TIMP3: variants seen among roughly 807,000 people sequenced by gnomAD.
TIMP3 encodes TIMP metallopeptidase inhibitor 3.
A neutral mutation model predicts 30.0 loss-of-function variants in TIMP3; 11 were observed. The ratio of observed to expected loss-of-function variants is 0.37; its 90% CI spans 0.23 to 0.61. The LOEUF is 0.61. Ranked by LOEUF, TIMP3 falls within the 20% of genes least tolerant of loss-of-function variation. TIMP3 has a pLI of 0.70. For synonymous variants in TIMP3, 112 were observed against 111.3 expected, an observed-to-expected ratio of 1.01 and a Z score of -0.04; for missense variants, 181 against 276.8, an observed-to-expected ratio of 0.65 and a Z score of 2.45.
chr22:32,823,525 C>T (rs545644127), intron 1 of TIMP3, among the ~76,000 whole-genome samples: 7 of 152,284 alleles, frequency 4.6e-5, no homozygotes, highest in South Asian at 4.1e-4. Flanking sequence ...AGCACAGAGC[C>T]GACCAGGCCT....
At chr22:32,805,149 G>A (rs934696545) in intron 1 of TIMP3, among the ~76,000 whole-genome samples, 5 of 152,094 alleles carry the variant, frequency 3.3e-5, no homozygotes, top group African/African-American at 4.8e-5. Flanking sequence ...CTCTCTTGCC[G>A]CCTTTGCATG....
At chr22:32,848,750 T>C (rs1204630319) in intron 1 of TIMP3, among the ~76,000 whole-genome samples, 1 of 152,228 alleles carries the variant, frequency 6.6e-6, no homozygotes, top group Non-Finnish European at 1.5e-5. Context: ...GAAACAAAGT[T>C]ACTTACTTGC....
intron 1 of TIMP3, among the ~76,000 whole-genome samples, chr22:32,835,190 G>A (rs978324792): frequency 3.3e-5 from 5 of 152,200 alleles, no homozygotes; most frequent in Non-Finnish European, 7.3e-5. Flanking sequence ...GAAAGGTAGG[G>A]TGATACACTC....
At chr22:32,814,470 T>C (rs1305536026) in intron 1 of TIMP3, among the ~76,000 whole-genome samples, 1 of 152,078 alleles carries the variant, frequency 6.6e-6, no homozygotes, top group Non-Finnish European at 1.5e-5. Context: ...CCTTGGAAAA[T>C]AAAACAGAAA....
At position 32,822,108 on chromosome 22, in the gene TIMP3, T is replaced by C. The variant is rs186062703; in HGVS notation, c.121+19986T>C. On this transcript the variant is annotated intron_variant, in intron 1 of 4. Transcript: ENST00000266085. The stretch of plus-strand genomic sequence containing the variant: ...AGGCAGAGGTTGCAATGAGCCGAGA[T>C]CGCACCATTGCACTCCAGCCTGGGC... Among the ~76,000 whole-genome samples the C allele has an allele frequency of 5.9e-3, 854 of 143,980 alleles. 10 individuals are homozygous for C. The highest frequency in any genetic ancestry group is 0.019 in the African/African-American group (738 of 38,176). The allele number at this position is 143,980 out of a possible 152,430, so 94.5% of individuals were successfully genotyped here.
chr22:32,856,346 C>G (rs1280882469), intron 2 of TIMP3, among the ~76,000 whole-genome samples: 2 of 152,022 alleles, frequency 1.3e-5, no homozygotes, highest in Non-Finnish European at 2.9e-5. Flanking sequence ...AGGAAGGTTT[C>G]TCTGGGAAGG....
intron 2 of TIMP3, among the ~76,000 whole-genome samples, chr22:32,851,481 C>T (rs556950255): frequency 1.3e-5 from 2 of 152,286 alleles, no homozygotes; most frequent in Non-Finnish European, 2.9e-5. Context: ...GCATCAGACA[C>T]TCCCACTCCC....
intron 1 of TIMP3, among the ~76,000 whole-genome samples, chr22:32,822,636 T>C (rs1014742848): frequency 3.3e-5 from 5 of 152,226 alleles, no homozygotes; most frequent in African/African-American, 9.6e-5. Context: ...GCAAATAGAC[T>C]GCTTAGATTA....
intron 1 of TIMP3, among the ~76,000 whole-genome samples, chr22:32,841,388 C>T (rs1419499879): frequency 6.6e-6 from 1 of 152,064 alleles, no homozygotes; most frequent in African/African-American, 2.4e-5. Context: ...AGGGAAGGTC[C>T]CCCGCCCAAG....
At chr22:32,802,511 T>TAA (rs879693641) in intron 1 of TIMP3, among the ~76,000 whole-genome samples, 14 of 137,794 alleles carry the variant, frequency 1.0e-4, no homozygotes, top group African/African-American at 2.4e-4. Context: ...ATTGAATAGT[T>TAA]AAAAAAAAAA....
At chr22:32,829,476 T>C (rs568686136) in intron 1 of TIMP3, among the ~76,000 whole-genome samples, 23 of 152,286 alleles carry the variant, frequency 1.5e-4, no homozygotes, top group African/African-American at 4.1e-4. Flanking sequence ...GTAGGCTCAC[T>C]TCTTGGCCTG....
intron 1 of TIMP3, among the ~76,000 whole-genome samples, chr22:32,848,837 T>A (rs578001627): frequency 7.8e-4 from 119 of 152,072 alleles, no homozygotes; most frequent in Non-Finnish European, 1.5e-3. Context: ...CGACTCCCAA[T>A]TGCTCCTTCT....
chr22:32,852,500 C>T (rs1295685765), intron 2 of TIMP3, among the ~76,000 whole-genome samples: 1 of 152,054 alleles, frequency 6.6e-6, no homozygotes, highest in Non-Finnish European at 1.5e-5. Flanking sequence ...TGGCACTGGT[C>T]CCTGGGAGAC....
chr22:32,801,882 A>G lies in TIMP3; in HGVS notation c.-120A>G. 1.6e-6 allele frequency: 2 copies of G among 1,289,616 alleles called. No individual in the cohort carries two copies. The highest frequency in any genetic ancestry group is 2.0e-6 in the Non-Finnish European group (2 of 1,015,818). 79.9% of individuals were successfully genotyped at this position (1,289,616 alleles called of 1,614,324 possible). On this transcript the variant is annotated 5_prime_UTR_variant, in exon 1 of 5. Transcript: ENST00000266085. The surrounding 1 kb of genome is among the most constrained non-coding windows in gnomAD (Gnocchi z 4.7). ...CTCGGAGGGCAGCGCGCCGGAGGCC[A>G]AGGTTGCCCCGCACGGCCCGGCGGG...
chr22:32,807,090 C>T (rs1569239294), intron 1 of TIMP3, among the ~76,000 whole-genome samples: 2 of 150,814 alleles, frequency 1.3e-5, no homozygotes, highest in Non-Finnish European at 1.5e-5. Context: ...CCAGCTGGGA[C>T]CCAGTCTCCT....
intron 1 of TIMP3, among the ~76,000 whole-genome samples, chr22:32,816,598 T>C (rs1391070950): frequency 2.0e-5 from 3 of 152,188 alleles, no homozygotes. Context: ...TCCTTATTTC[T>C]GTCTTGTTAC....
chr22:32,821,343 A>C (rs1482657579), intron 1 of TIMP3, among the ~76,000 whole-genome samples: 3 of 152,184 alleles, frequency 2.0e-5, no homozygotes, highest in Non-Finnish European at 4.4e-5. Context: ...TGAAAAGCAC[A>C]TTCTTTACGT....
intron 1 of TIMP3, among the ~76,000 whole-genome samples, chr22:32,814,770 G>A (rs1693842646): frequency 6.6e-6 from 1 of 152,064 alleles, no homozygotes. Context: ...TTACTGGGTG[G>A]CTCACAAGCG....
chr22:32,859,657 C>T lies in TIMP3; in HGVS notation c.*280C>T, dbSNP rs559183021. 6 of 452,434 alleles carry T rather than the reference C, an allele frequency of 1.3e-5. No homozygotes were observed. The highest frequency in any genetic ancestry group is 9.5e-5 in the South Asian group (3 of 31,430). 28.0% of individuals were successfully genotyped at this position (452,434 alleles called of 1,614,324 possible). The stretch of plus-strand genomic sequence containing the variant: ...ATGAGGAACCTGTATTCCTCTTCTT[C>T]GTGATAATATAATCTCTATTTTTTT... On this transcript the variant is annotated 3_prime_UTR_variant, in exon 5 of 5. Transcript: ENST00000266085.
Sources: gnomAD v4.1 joint callset for allele counts (sites outside exome capture counted in the v4.1 genomes callset) on GRCh38, gnomAD v4.1.1 for gene constraint, Gnocchi (gnomAD v3.1) non-coding constraint, MANE v1.5 for transcripts, NCBI Gene and HGNC (gene_info 2026-07-23, HGNC 2026-07-21) for gene names.